SORT1: variants seen among roughly 807,000 people sequenced by gnomAD.
SORT1 encodes sortilin 1.
In SORT1, 39 loss-of-function variants were observed where a neutral mutation model predicts 101.7. That is an observed-to-expected ratio of 0.38 (90% CI 0.30 to 0.50). The LOEUF (loss-of-function observed/expected upper bound fraction) is 0.50, where lower values mean the gene tolerates loss of function less well. Among genes scored for constraint, SORT1 ranks in the 20% least tolerant of loss-of-function variants. The pLI is 0.90. For synonymous variants in SORT1, 396 were observed against 393.7 expected, an observed-to-expected ratio of 1.01 and a Z score of -0.07; for missense variants, 878 against 1,040.4, an observed-to-expected ratio of 0.84 and a Z score of 2.15.
rs72646575 is a variant in SORT1 at position 109,323,291 on chromosome 1, T to G, written c.1835-170A>C. Among the ~76,000 whole-genome samples, 943 of 152,368 alleles carry G rather than the reference T, an allele frequency of 6.2e-3. 5 individuals are homozygous for G. The highest frequency in any genetic ancestry group is 0.022 in the African/African-American group (905 of 41,582). ...AAAGTTACACTAGTCTAGAGCCTAC[T>G]AGCAATCGCATTTCCTCATGCCAAA... On this transcript the variant is annotated intron_variant, in intron 14 of 19. Coordinates refer to ENST00000256637, the MANE Select transcript of SORT1 (RefSeq NM_002959.7).
intron 1 of SORT1, chr1:109,393,076 C>T (rs557586603): frequency 3.1e-4 from 308 of 985,218 alleles, no homozygotes; most frequent in Non-Finnish European, 3.6e-4. Flanking sequence ...AACAACAGGC[C>T]GAGGTCTTCA....
At chr1:109,370,634 T>C (rs1651433103) in intron 1 of SORT1, among the ~76,000 whole-genome samples, 1 of 152,204 alleles carries the variant, frequency 6.6e-6, no homozygotes, top group African/African-American at 2.4e-5. Flanking sequence ...GTTCAGTATA[T>C]ATTTCTAATA....
Position 109,313,869 on chromosome 1 carries a change from C to A in SORT1, c.*174G>T. On this transcript the variant is annotated 3_prime_UTR_variant, in exon 20 of 20. Coordinates refer to ENST00000256637, the MANE Select transcript of SORT1 (RefSeq NM_002959.7). ...CAATTGTAAAAAAGTGCTCAGGGTT[C>A]CCCACCCCCACCCTGCATTTCTTTA... 7 of 463,294 alleles carry A rather than the reference C, an allele frequency of 1.5e-5. No homozygotes were observed. Among genetic ancestry groups the A allele is most frequent in the Non-Finnish European group, 2.7e-5 (7 of 254,816 alleles). 28.7% of individuals were successfully genotyped at this position (463,294 alleles called of 1,614,324 possible).
rs1459767927 is a variant in SORT1 at position 109,317,958 on chromosome 1, T to C, written c.2036A>G (p.Tyr679Cys). ...SLEDFLCDFG[Y>C]YRPENDSKCV... is the part of the protein sequence containing the mutation. ...CTTGGAGTCATTTTCTGGACGGTAG[T>C]AGCCAAAATCACTGCAAGAGTCAGC... Residue 679 changes from tyrosine to cysteine, a missense_variant, in exon 16 of 20, where the codon TAC (tyrosine) becomes TGC (cysteine). By Grantham distance (194) the Tyr-to-Cys change is radical (BLOSUM62 -2). Transcript: ENST00000256637. 1 of 1,611,208 alleles carries C rather than the reference T, an allele frequency of 6.2e-7. No individual in the cohort carries two copies. Among genetic ancestry groups the C allele is most frequent in the Non-Finnish European group, 8.5e-7 (1 of 1,177,500 alleles).
chr1:109,356,191 T>C (rs557178884), intron 3 of SORT1, among the ~76,000 whole-genome samples: 1 of 152,100 alleles, frequency 6.6e-6, no homozygotes, highest in Non-Finnish European at 1.5e-5. Flanking sequence ...TTTTTGATTA[T>C]CACAATGAAG....
intron 1 of SORT1, among the ~76,000 whole-genome samples, chr1:109,372,709 G>T (rs1480552771): frequency 1.3e-5 from 2 of 151,968 alleles, no homozygotes; most frequent in Non-Finnish European, 2.9e-5. Context: ...ACGAGGTCAG[G>T]AGTTCGACTG....
chr1:109,331,543 C>G (rs1264403737), intron 11 of SORT1, among the ~76,000 whole-genome samples: 1 of 152,044 alleles, frequency 6.6e-6, no homozygotes, highest in Non-Finnish European at 1.5e-5. Context: ...ATAATAAAGG[C>G]TATATGTGAC....
chr1:109,347,419 AC>A (rs35239927), intron 7 of SORT1, 63 bp downstream of exon 7: 1 of 1,156,468 alleles, frequency 8.6e-7, no homozygotes, highest in Non-Finnish European at 1.3e-6. Context: ...ACCTTGCACA[AC>A]CCAGAAAATT....
At position 109,342,093 on chromosome 1, in the gene SORT1, G is replaced by C. The variant is rs748774739; in HGVS notation, c.1029C>G (p.Pro343=). ...QGDTWSMAQL[P]SVGQEQFYSI... ...AATAGAACTGTTCCTGTCCCACGGA[G>C]GGGAGCTGGGCCATGCTCCATGTGT... is the stretch of plus-strand genomic sequence containing the variant. Residue 343 remains proline (P), a synonymous_variant, in exon 9 of 20, where the codon CCC becomes CCG. Transcript: ENST00000256637. The C allele has an allele frequency of 5.0e-6, 8 of 1,613,020 alleles. 1 individual carries two copies. The South Asian group carries it at 8.8e-5, about 18-fold the overall frequency.
At chr1:109,382,810 T>G (rs974435676) in intron 1 of SORT1, among the ~76,000 whole-genome samples, 2 of 152,184 alleles carry the variant, frequency 1.3e-5, no homozygotes, top group Non-Finnish European at 2.9e-5. Flanking sequence ...TTGTACTACC[T>G]TCTCTAAAAT....
chr1:109,387,994 T>A (rs1342801752), intron 1 of SORT1, among the ~76,000 whole-genome samples: 2 of 152,124 alleles, frequency 1.3e-5, no homozygotes, highest in Non-Finnish European at 2.9e-5. Context: ...ATAGATGATC[T>A]CTGCCTAAAC....
chr1:109,375,492 C>T (rs890917658), intron 1 of SORT1, among the ~76,000 whole-genome samples: 15 of 139,064 alleles, frequency 1.1e-4, no homozygotes, highest in African/African-American at 3.7e-4. Flanking sequence ...TGCAGTGAGC[C>T]GAGATCGCGC....
chr1:109,379,689 G>C (rs1406912221), intron 1 of SORT1, among the ~76,000 whole-genome samples: 2 of 152,158 alleles, frequency 1.3e-5, no homozygotes, highest in Non-Finnish European at 2.9e-5. Flanking sequence ...TCTACCAGGA[G>C]CAGATGAGCA....
At chr1:109,347,043 C>G (rs1649653764) in intron 7 of SORT1, among the ~76,000 whole-genome samples, 1 of 152,274 alleles carries the variant, frequency 6.6e-6, no homozygotes, top group South Asian at 2.1e-4. Flanking sequence ...TCTCTCCATC[C>G]TTAGAACAGT....
Position 109,318,053 on chromosome 1 carries a change from T to C in SORT1, c.2025-84A>G, listed in dbSNP as rs918643612. 4.1e-4 allele frequency: 343 copies of C among 828,530 alleles called. 3 individuals carry two copies. Among genetic ancestry groups the C allele is most frequent in the Middle Eastern group, 1.1e-3 (5 of 4,370 alleles). The allele number at this position is 828,530 out of a possible 1,614,324, so 51.3% of individuals were successfully genotyped here. ...AGCAATGAAGGGTTATGTGGGGTAG[T>C]GGATGGTTAACATTCCAGTCTTGGG... On this transcript the variant is annotated intron_variant, in intron 15 of 19. Coordinates refer to ENST00000256637, the MANE Select transcript of SORT1 (RefSeq NM_002959.7).
At chr1:109,383,341 T>C (rs1255028859) in intron 1 of SORT1, among the ~76,000 whole-genome samples, 1 of 152,158 alleles carries the variant, frequency 6.6e-6, no homozygotes, top group African/African-American at 2.4e-5. Context: ...ATGCCTACCA[T>C]GTGCTGTGAT....
chr1:109,326,454 TATATATATATACATAC>T (rs1466865473), intron 13 of SORT1, among the ~76,000 whole-genome samples: 338 of 29,314 alleles, frequency 0.012, 7 homozygotes, highest in Non-Finnish European at 0.017. Context: ...TATATATATA[TATATATATATACATAC>T]ACACACACAC....
In SORT1 at chr1:109,323,101, TG is replaced by T; in HGVS notation, c.1854del (p.Ile619TyrfsTer41). 6.2e-7 allele frequency: 1 copy of T among 1,613,990 alleles called. No individual in the cohort carries two copies. Among genetic ancestry groups the T allele is most frequent in the Non-Finnish European group, 8.5e-7 (1 of 1,179,862 alleles). Reference sequence around the variant, plus strand: ...GGGTCTGTGGAGTGTGCCAGCCATATGGTATAGTCCTTCTCTTCACCTAAAG... The same window carrying T: ...GGGTCTGTGGAGTGTGCCAGCCATATGTATAGTCCTTCTCTTCACCTAAAG... Reference protein sequence around the residue: ...LERNCEEKDYTIWLAHSTDPE... With the variant: ...LERNCEEKDYXIWLAHSTDPE... On this transcript the variant is annotated frameshift_variant, in exon 15 of 20. Coordinates refer to ENST00000256637, the MANE Select transcript of SORT1 (RefSeq NM_002959.7). LOFTEE classifies it high-confidence loss of function.
At chr1:109,376,186 C>T (rs966789446) in intron 1 of SORT1, among the ~76,000 whole-genome samples, 1 of 151,998 alleles carries the variant, frequency 6.6e-6, no homozygotes, top group African/African-American at 2.4e-5. Context: ...AAAAATTAGC[C>T]GGGCGTGGCG....
Sources: gnomAD v4.1 joint callset for allele counts (sites outside exome capture counted in the v4.1 genomes callset) on GRCh38, gnomAD v4.1.1 for gene constraint, MANE v1.5 for transcripts, NCBI Gene and HGNC (gene_info 2026-07-23, HGNC 2026-07-21) for gene names.